PRUNE2: variants seen among roughly 807,000 people sequenced by gnomAD.
PRUNE2 encodes the protein prune homolog 2 with BCH domain, also known as protein prune homolog 2.
Under a neutral mutation model 252.0 loss-of-function variants are expected in PRUNE2, and 164 were observed. The observed-to-expected ratio is 0.65, with a 90% CI of 0.57 to 0.74. The LOEUF (loss-of-function observed/expected upper bound fraction) is 0.74. Among genes scored for constraint, PRUNE2 ranks in the 30% least tolerant of loss-of-function variants. The probability of loss-of-function intolerance (pLI) is 0.00; values close to 1 mark genes in which losing one functional copy is unlikely to be tolerated. For synonymous variants in PRUNE2, 1,292 were observed against 1,350.2 expected, an observed-to-expected ratio of 0.96 and a Z score of 0.94; for missense variants, 3,495 against 3,711.0, an observed-to-expected ratio of 0.94 and a Z score of 1.51.
chr9:76,742,746 T>A (rs1210527740), intron 6 of PRUNE2, among the ~76,000 whole-genome samples: 1 of 152,120 alleles, frequency 6.6e-6, no homozygotes. Flanking sequence ...GAAAAAAGGT[T>A]CAATCTCATG....
At chr9:76,806,600 C>T (rs745996150) in intron 6 of PRUNE2, among the ~76,000 whole-genome samples, 5 of 151,048 alleles carry the variant, frequency 3.3e-5, no homozygotes, top group Non-Finnish European at 5.9e-5. Context: ...CTCCGCCTCC[C>T]GGGTTCACGC....
intron 6 of PRUNE2, among the ~76,000 whole-genome samples, chr9:76,774,104 G>T (rs1055865054): frequency 2.0e-5 from 3 of 152,044 alleles, no homozygotes; most frequent in Admixed American, 6.6e-5. Flanking sequence ...AGAGGGAAAA[G>T]AATAGGTTTG....
At position 76,638,201 on chromosome 9, in the gene PRUNE2, A is replaced by G. The variant is rs1349918492; in HGVS notation, c.8816T>C (p.Met2939Thr). The change falls in exon 13 of 19, where the codon ATG becomes ACG. Residue 2939 changes from methionine (M) to threonine (T), a missense_variant. Physicochemically the swap from Met to Thr is moderately conservative, Grantham distance 81 (BLOSUM62 -1). Transcript: ENST00000376718. ...TATCACTCACAGGAAAAGATTTTCC[A>G]TGACATAGTGGTAATCCGCCCGACT... ...DSSRADYHYV[M>T]ENLFLYVIST... 3 of 1,612,388 alleles carry G rather than the reference A, an allele frequency of 1.9e-6. No individual in the cohort carries two copies. Among genetic ancestry groups the G allele is most frequent in the East Asian group, 2.2e-5 (1 of 44,866 alleles).
At chr9:76,799,109 G>A (rs1254997964) in intron 6 of PRUNE2, among the ~76,000 whole-genome samples, 2 of 152,218 alleles carry the variant, frequency 1.3e-5, no homozygotes, top group African/African-American at 4.8e-5. Flanking sequence ...GGGAGGCCGA[G>A]GTGGGTGAAT....
chr9:76,865,161 C>T (rs2060764114), intron 1 of PRUNE2, among the ~76,000 whole-genome samples: 1 of 152,120 alleles, frequency 6.6e-6, no homozygotes, highest in Admixed American at 6.5e-5. Flanking sequence ...AATGCAAATG[C>T]CTATTTATGT....
intron 9 of PRUNE2, among the ~76,000 whole-genome samples, chr9:76,701,327 C>T (rs575299508): frequency 7.9e-5 from 12 of 152,292 alleles, no homozygotes; most frequent in Middle Eastern, 3.4e-3. Flanking sequence ...ATACACATGC[C>T]GGAGGGAAAA....
intron 4 of PRUNE2, among the ~76,000 whole-genome samples, chr9:76,827,154 A>AC (rs2058391089): frequency 6.6e-6 from 1 of 152,200 alleles, no homozygotes; most frequent in East Asian, 1.9e-4. Context: ...TCCACTCATT[A>AC]TATTATTAAT....
chr9:76,672,183 G>A (rs1031646521), intron 9 of PRUNE2, among the ~76,000 whole-genome samples: 1 of 149,308 alleles, frequency 6.7e-6, no homozygotes, highest in African/African-American at 2.5e-5. Flanking sequence ...ACACACATAG[G>A]CTCAAAATAA....
chr9:76,770,478 A>C (rs1262430215), intron 6 of PRUNE2, among the ~76,000 whole-genome samples: 1 of 152,186 alleles, frequency 6.6e-6, no homozygotes, highest in Non-Finnish European at 1.5e-5. Flanking sequence ...AAAAATTGAA[A>C]AGGACTCAGG....
intron 1 of PRUNE2, among the ~76,000 whole-genome samples, chr9:76,880,186 T>C (rs561755863): frequency 1.3e-5 from 2 of 149,524 alleles, no homozygotes; most frequent in South Asian, 4.2e-4. Flanking sequence ...GTGCTGGGAT[T>C]ACAGGCGTGA....
At chr9:76,827,317 T>C (rs2058400870) in intron 4 of PRUNE2, among the ~76,000 whole-genome samples, 1 of 152,230 alleles carries the variant, frequency 6.6e-6, no homozygotes, top group South Asian at 2.1e-4. Context: ...TATCTAATTA[T>C]AAGGACTCAC....
At chr9:76,802,030 A>G (rs1166826363) in intron 6 of PRUNE2, among the ~76,000 whole-genome samples, 1 of 152,134 alleles carries the variant, frequency 6.6e-6, no homozygotes, top group Non-Finnish European at 1.5e-5. Context: ...AATCTAACAT[A>G]CTGACATTTT....
chr9:76,805,173 C>T (rs551429606), intron 6 of PRUNE2, among the ~76,000 whole-genome samples: 4 of 152,332 alleles, frequency 2.6e-5, no homozygotes, highest in East Asian at 1.9e-4. Context: ...CAGCTGCCCC[C>T]GCATTTGTTC....
chr9:76,846,369 C>A lies in PRUNE2; in HGVS notation c.508+146G>T, dbSNP rs1224223203. The A allele has an allele frequency of 1.0e-5, 6 of 593,234 alleles. No individual in the cohort carries two copies. In the African/African-American group the frequency reaches 1.1e-4, roughly 11 times the overall value. The allele number at this position is 593,234 out of a possible 1,614,324, so 36.7% of individuals were successfully genotyped here. A position where few individuals can be genotyped will look rare whatever the true frequency, so the allele number is the denominator to read the frequency against. The stretch of plus-strand genomic sequence containing the variant: ...GTATAATGCTACTCTTTAACAAACT[C>A]TTTACTCCCTGCCTCTCTGATGAAG... On this transcript the variant is annotated intron_variant, in intron 4 of 18. Transcript: ENST00000376718.
chr9:76,710,705 G>A lies in PRUNE2; in HGVS notation c.1569C>T (p.Pro523=), dbSNP rs1343790548. 20 of 1,612,596 alleles carry A rather than the reference G, an allele frequency of 1.2e-5. No homozygotes were observed. The highest frequency in any genetic ancestry group is 1.7e-5 in the Non-Finnish European group (20 of 1,179,366). ...GCTGTCCTTCTGACAGGTCACTGTT[G>A]GGGAAGAAGTCATCTGCTGGGGAGT... is the stretch of plus-strand genomic sequence containing the variant. The part of the protein sequence containing the change: ...ADYSPADDFF[P]NSDLSEGQLP... Residue 523 remains proline, a synonymous_variant, in exon 8 of 19, where the codon CCC becomes CCT. Coordinates refer to ENST00000376718, the MANE Select transcript of PRUNE2 (RefSeq NM_015225.3).
chr9:76,673,079 T>C (rs1164661577), intron 9 of PRUNE2, among the ~76,000 whole-genome samples: 7 of 151,590 alleles, frequency 4.6e-5, no homozygotes, highest in East Asian at 1.9e-4. Context: ...GAAATAGAGA[T>C]ACAAAAAACC....
At chr9:76,883,070 C>A (rs2061885217) in intron 1 of PRUNE2, among the ~76,000 whole-genome samples, 1 of 152,178 alleles carries the variant, frequency 6.6e-6, no homozygotes, top group African/African-American at 2.4e-5. Flanking sequence ...GTATACGTGA[C>A]TCCATTTACC....
intron 6 of PRUNE2, among the ~76,000 whole-genome samples, chr9:76,734,919 G>A (rs2048944817): frequency 6.6e-6 from 1 of 152,164 alleles, no homozygotes; most frequent in Admixed American, 6.5e-5. Context: ...GAGCTGCCCA[G>A]AGCCATCCTG....
intron 6 of PRUNE2, among the ~76,000 whole-genome samples, chr9:76,800,452 CA>C (rs2056471400): frequency 6.6e-6 from 1 of 152,072 alleles, no homozygotes; most frequent in South Asian, 2.1e-4. Context: ...AACAGCAAAG[CA>C]AAATGTAAAT....
Sources: gnomAD v4.1 joint callset for allele counts (sites outside exome capture counted in the v4.1 genomes callset) on GRCh38, gnomAD v4.1.1 for gene constraint, MANE v1.5 for transcripts, NCBI Gene and HGNC (gene_info 2026-07-23, HGNC 2026-07-21) for gene names.